The following BCKDHB variants were observed in gnomAD, a reference collection of about 807,000 sequenced individuals.
The protein encoded by BCKDHB is branched chain keto acid dehydrogenase E1 subunit beta.
Under a neutral mutation model 48.5 loss-of-function variants are expected in BCKDHB, and 41 were observed. The ratio of observed to expected loss-of-function variants is 0.85; its 90% CI spans 0.66 to 1.10. The LOEUF is 1.10. Ranked by LOEUF, BCKDHB falls within the 50% of genes least tolerant of loss-of-function variation. The pLI is 0.00. For synonymous variants in BCKDHB, 201 were observed against 174.8 expected, an observed-to-expected ratio of 1.15 and a Z score of -1.18; for missense variants, 496 against 494.2, an observed-to-expected ratio of 1.00 and a Z score of -0.03.
Position 80,167,759 on chromosome 6 carries a change from C to T in BCKDHB, c.425C>T (p.Thr142Ile). ...FGIGIAVTGA[T>I]AIAEIQFADY... Reference sequence around the variant, plus strand: ...ATCGGAATTGCGGTCACTGGAGCTACTGCCATTGCGGAAATTCAGTTTGCA... The same window carrying T: ...ATCGGAATTGCGGTCACTGGAGCTATTGCCATTGCGGAAATTCAGTTTGCA... The change falls in exon 4 of 10, where the codon ACT (threonine) becomes ATT (isoleucine). Residue 142 changes from threonine to isoleucine, a missense_variant. Thr to Ile is a moderately conservative substitution (Grantham distance 89). Coordinates refer to ENST00000320393, the MANE Select transcript of BCKDHB (RefSeq NM_183050.4). 1 of 1,613,882 alleles carries T rather than the reference C, an allele frequency of 6.2e-7. No individual in the cohort carries two copies. Among genetic ancestry groups the T allele is most frequent in the Non-Finnish European group, 8.5e-7 (1 of 1,179,812 alleles).
intron 8 of BCKDHB, among the ~76,000 whole-genome samples, chr6:80,269,748 A>G (rs1777657054): frequency 2.0e-5 from 3 of 152,128 alleles, no homozygotes; most frequent in African/African-American, 7.2e-5. Context: ...AAAACTTTAA[A>G]ATTTATTTTA....
At chr6:80,292,623 T>C (rs1409327210) in intron 9 of BCKDHB, among the ~76,000 whole-genome samples, 1 of 152,002 alleles carries the variant, frequency 6.6e-6, no homozygotes. Context: ...CCAAATACCA[T>C]GTCCTCACAT....
chr6:80,171,517 T>C, intron 6 of BCKDHB, 127 bp downstream of exon 6: 1 of 635,756 alleles, frequency 1.6e-6, no homozygotes, highest in Admixed American at 3.4e-5. Flanking sequence ...AATCTTGATT[T>C]TTTTGGTATT....
chr6:80,426,005 C>T, the BCKDHB span, among the ~76,000 whole-genome samples: 1 of 152,152 alleles, frequency 6.6e-6, no homozygotes, highest in Non-Finnish European at 1.5e-5. Context: ...GCAGACTGAG[C>T]TTTTCCTCTC....
At chr6:80,136,988 A>T (rs1444954155) in intron 3 of BCKDHB, among the ~76,000 whole-genome samples, 3 of 152,180 alleles carry the variant, frequency 2.0e-5, no homozygotes, top group African/African-American at 7.2e-5. Flanking sequence ...ATGAAATTGG[A>T]ATCATTGTGC....
the BCKDHB span, among the ~76,000 whole-genome samples, chr6:80,365,430 A>C: frequency 6.6e-6 from 1 of 152,204 alleles, no homozygotes; most frequent in African/African-American, 2.4e-5. Flanking sequence ...CCAGGAATGC[A>C]TTCCTTTCCC....
chr6:80,131,216 T>C (rs948916471), intron 3 of BCKDHB, among the ~76,000 whole-genome samples: 1 of 152,220 alleles, frequency 6.6e-6, no homozygotes, highest in Non-Finnish European at 1.5e-5. Flanking sequence ...GCTTCAGATC[T>C]GTGTATTCAG....
chr6:80,252,119 A>G (rs2127936737), intron 8 of BCKDHB, among the ~76,000 whole-genome samples: 1 of 152,334 alleles, frequency 6.6e-6, no homozygotes. Context: ...TAGGCGAAGA[A>G]GCTGTCTCAG....
chr6:80,212,929 G>T (rs551258069), intron 8 of BCKDHB, among the ~76,000 whole-genome samples: 77 of 152,110 alleles, frequency 5.1e-4, no homozygotes, highest in Admixed American at 2.2e-3. Flanking sequence ...AAAATGTTAC[G>T]TACTCTTGTT....
chr6:80,299,623 G>T (rs1447065265), intron 9 of BCKDHB, among the ~76,000 whole-genome samples: 1 of 152,194 alleles, frequency 6.6e-6, no homozygotes, highest in African/African-American at 2.4e-5. Flanking sequence ...AGCTTTATAA[G>T]TGAAGGAGAA....
At chr6:80,421,047 C>T in the BCKDHB span, among the ~76,000 whole-genome samples, 26 of 152,144 alleles carry the variant, frequency 1.7e-4, no homozygotes, top group African/African-American at 6.3e-4. Context: ...TATGGTTTGG[C>T]TCTGTGTCTC....
At chr6:80,142,839 T>C (rs2127744007) in intron 3 of BCKDHB, among the ~76,000 whole-genome samples, 2 of 152,274 alleles carry the variant, frequency 1.3e-5, no homozygotes, top group Admixed American at 1.3e-4. Context: ...TGGAGATTCT[T>C]AGATTAGCTT....
intron 5 of BCKDHB, among the ~76,000 whole-genome samples, 194 bp from the exon 6 acceptor site, chr6:80,171,088 A>G (rs1772890373): frequency 6.6e-6 from 1 of 152,120 alleles, no homozygotes; most frequent in Non-Finnish European, 1.5e-5. Flanking sequence ...TCTGATAAAT[A>G]TCTGTTGAAT....
At chr6:80,261,321 C>G (rs1777292741) in intron 8 of BCKDHB, among the ~76,000 whole-genome samples, 1 of 152,028 alleles carries the variant, frequency 6.6e-6, no homozygotes, top group South Asian at 2.1e-4. Flanking sequence ...CCATGCTCTC[C>G]AGCAGTGGTC....
intron 3 of BCKDHB, among the ~76,000 whole-genome samples, chr6:80,145,809 T>C (rs1771457521): frequency 6.6e-6 from 1 of 152,112 alleles, no homozygotes. Context: ...AGGTAGTTAC[T>C]GTTGAAGTAT....
intron 9 of BCKDHB, among the ~76,000 whole-genome samples, chr6:80,315,281 G>T (rs1427402963): frequency 6.6e-6 from 1 of 152,206 alleles, no homozygotes; most frequent in Non-Finnish European, 1.5e-5. Context: ...GGCCCTGGTG[G>T]CATGGGCTCA....
chr6:80,333,093 A>G (rs1769402395), intron 9 of BCKDHB, among the ~76,000 whole-genome samples: 1 of 152,330 alleles, frequency 6.6e-6, no homozygotes, highest in African/African-American at 2.4e-5. Context: ...AAACATGCAG[A>G]TAATTCTACT....
chr6:80,107,264 C>G (rs1173635701), intron 1 of BCKDHB, among the ~76,000 whole-genome samples: 1 of 147,938 alleles, frequency 6.8e-6, no homozygotes, highest in East Asian at 2.0e-4. Flanking sequence ...GACTGGGCCA[C>G]TAGCTTAGGT....
intron 6 of BCKDHB, among the ~76,000 whole-genome samples, chr6:80,184,815 G>A (rs1040130941): frequency 2.6e-5 from 4 of 152,252 alleles, no homozygotes; most frequent in Non-Finnish European, 4.4e-5. Context: ...CTGTTAATCT[G>A]AGAGGTTTTC....
Sources: allele counts gnomAD v4.1 joint callset (sites outside exome capture counted in the v4.1 genomes callset), GRCh38; gene constraint gnomAD v4.1.1; transcripts MANE v1.5; gene names NCBI Gene and HGNC (gene_info 2026-07-23, HGNC 2026-07-21).